The following LRP1B variants were observed in gnomAD, a reference collection of about 807,000 sequenced individuals.
The protein encoded by LRP1B is low-density lipoprotein receptor-related protein 1B.
A neutral mutation model predicts 556.6 loss-of-function variants in LRP1B; 217 were observed. That is an observed-to-expected ratio of 0.39 (90% CI 0.35 to 0.44). The LOEUF is 0.44. Ranked by LOEUF, LRP1B falls within the 20% of genes least tolerant of loss-of-function variation. LRP1B has a pLI of 1.00. For synonymous variants in LRP1B, 2,047 were observed against 1,865.8 expected (o/e 1.10, Z -2.50); for missense variants, 5,053 against 5,620.8 (o/e 0.90, Z 3.23).
At chr2:141,820,025 A>G (rs529521551) in intron 1 of LRP1B, among the ~76,000 whole-genome samples, 5 of 152,292 alleles carry the variant, frequency 3.3e-5, no homozygotes, top group Non-Finnish European at 7.4e-5. Flanking sequence ...TAGCTTTTTT[A>G]GTTAATCAGT....
chr2:140,673,138 C>T (rs962272648), intron 41 of LRP1B, among the ~76,000 whole-genome samples: 1 of 152,136 alleles, frequency 6.6e-6, no homozygotes, highest in Admixed American at 6.5e-5. Flanking sequence ...TTTACTTCTG[C>T]ATTTTATTAT....
chr2:140,752,176 G>T (rs915477946), intron 35 of LRP1B, among the ~76,000 whole-genome samples: 5 of 151,924 alleles, frequency 3.3e-5, no homozygotes, highest in African/African-American at 1.2e-4. Context: ...TTAGCTCGGC[G>T]TGGTGGCACG....
intron 41 of LRP1B, among the ~76,000 whole-genome samples, chr2:140,659,115 T>TG (rs1395929658): frequency 3.5e-5 from 5 of 143,566 alleles, no homozygotes; most frequent in South Asian, 4.4e-4. Context: ...TTTTTTTTTT[T>TG]TTTTTTTTTT....
At chr2:141,651,871 T>G (rs983287668) in intron 2 of LRP1B, among the ~76,000 whole-genome samples, 3 of 152,192 alleles carry the variant, frequency 2.0e-5, no homozygotes, top group African/African-American at 7.2e-5. Flanking sequence ...ATTGGTTAAT[T>G]AAACATTTTA....
intron 2 of LRP1B, among the ~76,000 whole-genome samples, chr2:141,775,603 G>T (rs1172062831): frequency 6.6e-6 from 1 of 152,058 alleles, no homozygotes; most frequent in Non-Finnish European, 1.5e-5. Flanking sequence ...TGCACTTGAG[G>T]GTTATTACCT....
intron 2 of LRP1B, among the ~76,000 whole-genome samples, chr2:141,555,135 C>A (rs895878747): frequency 6.6e-6 from 1 of 151,956 alleles, no homozygotes; most frequent in African/African-American, 2.4e-5. Flanking sequence ...GAGATATACA[C>A]ATACAGATGC....
chr2:140,709,919 C>T (rs114064918), intron 37 of LRP1B, among the ~76,000 whole-genome samples: 2,054 of 151,378 alleles, frequency 0.014, 54 homozygotes, highest in African/African-American at 0.047. Context: ...TGTAGGGAGA[C>T]ATACATCTCT....
intron 43 of LRP1B, among the ~76,000 whole-genome samples, chr2:140,565,674 G>A (rs1192041264): frequency 1.3e-5 from 2 of 152,112 alleles, no homozygotes; most frequent in African/African-American, 4.8e-5. Context: ...ATAAACAACT[G>A]CATTTTCATG....
At chr2:140,769,662 G>T (rs551998325) in intron 34 of LRP1B, among the ~76,000 whole-genome samples, 64 of 151,896 alleles carry the variant, frequency 4.2e-4, no homozygotes, top group African/African-American at 1.5e-3. Context: ...GCTGGTACGG[G>T]CCCCACACTT....
chr2:141,968,044 T>C (rs1009685964), intron 1 of LRP1B, among the ~76,000 whole-genome samples: 5 of 151,876 alleles, frequency 3.3e-5, no homozygotes, highest in African/African-American at 4.8e-5. Context: ...CAGTGGATTA[T>C]AATGCATCAG....
chr2:140,643,203 G>A (rs957939476), intron 41 of LRP1B, among the ~76,000 whole-genome samples: 8 of 151,702 alleles, frequency 5.3e-5, no homozygotes, highest in South Asian at 2.1e-4. Context: ...TACCCAGGAC[G>A]CCTTTCCTTA....
At chr2:141,452,307 A>C (rs780162175) in intron 3 of LRP1B, among the ~76,000 whole-genome samples, 1 of 152,212 alleles carries the variant, frequency 6.6e-6, no homozygotes, top group Admixed American at 6.5e-5. Context: ...AAGTCTTGCT[A>C]TAAATAATGT....
intron 1 of LRP1B, among the ~76,000 whole-genome samples, chr2:141,907,833 C>T (rs1249268332): frequency 6.6e-6 from 1 of 151,898 alleles, no homozygotes; most frequent in Non-Finnish European, 1.5e-5. Context: ...TTCCTGCTCC[C>T]TTTTTGCTTC....
chr2:141,710,728 A>C (rs1692327180), intron 2 of LRP1B, among the ~76,000 whole-genome samples: 1 of 152,198 alleles, frequency 6.6e-6, no homozygotes, highest in East Asian at 1.9e-4. Context: ...TTCTCCAACT[A>C]AGATTTAGAA....
chr2:141,385,462 C>A (rs4245853), intron 3 of LRP1B, among the ~76,000 whole-genome samples: 149,886 of 152,248 alleles, frequency 0.98, 73,820 homozygotes, highest in East Asian at 1. Context: ...GGCAATGAAA[C>A]TCGTGTTGCT....
chr2:141,994,902 CACGCTCCT>C (rs1178217419), intron 1 of LRP1B, among the ~76,000 whole-genome samples: 2 of 152,042 alleles, frequency 1.3e-5, no homozygotes, highest in African/African-American at 2.4e-5. Context: ...CTGCCTTTTT[CACGCTCCT>C]ACCTGTGAGC....
At chr2:140,324,236 A>C (rs1680328538) in intron 80 of LRP1B, among the ~76,000 whole-genome samples, 170 bp from the exon 81 acceptor site, 1 of 152,062 alleles carries the variant, frequency 6.6e-6, no homozygotes, top group Non-Finnish European at 1.5e-5. Flanking sequence ...ATATATCTGA[A>C]GTAAGGATAT....
At chr2:140,939,918 A>G (rs1204471415) in intron 20 of LRP1B, among the ~76,000 whole-genome samples, 1 of 141,812 alleles carries the variant, frequency 7.1e-6, no homozygotes, top group African/African-American at 2.6e-5. Flanking sequence ...CAGTGTCTCA[A>G]TCTGTCACCC....
chr2:141,900,512 A>G (rs937626269), intron 1 of LRP1B, among the ~76,000 whole-genome samples: 4 of 152,156 alleles, frequency 2.6e-5, no homozygotes, highest in East Asian at 1.9e-4. Flanking sequence ...TAGTAATAAT[A>G]TGGTACATTC....
Sources: allele counts gnomAD v4.1 joint callset (sites outside exome capture counted in the v4.1 genomes callset), GRCh38; gene constraint gnomAD v4.1.1; transcripts MANE v1.5; gene names NCBI Gene and HGNC (gene_info 2026-07-23, HGNC 2026-07-21).